Variants in BRSK2 observed in about 807,000 individuals in gnomAD.
BRSK2 encodes BR serine/threonine kinase 2, also known as serine/threonine-protein kinase BRSK2.
BRSK2 carries 19 observed loss-of-function variants against 83.3 expected under a neutral mutation model. That is an observed-to-expected ratio of 0.23 (90% confidence interval 0.16 to 0.33). The LOEUF (loss-of-function observed/expected upper bound fraction) is 0.33. Among genes scored for constraint, BRSK2 ranks in the 10% least tolerant of loss-of-function variants. The pLI, the probability that BRSK2 is intolerant of heterozygous loss-of-function variation, is 1.00. For synonymous variants in BRSK2, 519 were observed against 435.4 expected (o/e 1.19, Z -2.39); for missense variants, 798 against 1,042.3 (o/e 0.77, Z 3.23).
chr11:1,451,968 C>G (rs1845867200), intron 15 of BRSK2, among the ~76,000 whole-genome samples: 1 of 152,050 alleles, frequency 6.6e-6, no homozygotes, highest in South Asian at 2.1e-4. Flanking sequence ...CAGAGAGACC[C>G]CTTCCCAGCG....
At position 1,438,941 on chromosome 11, in the gene BRSK2, CCA is replaced by C. The variant is rs1156806431; in HGVS notation, c.272+551_272+552del. ...ATGCCTGGCTGTGAACCCCATCCCC[CCA>C]GACCCAGCCTCAGGGAGCTCCTGGG... On this transcript the variant is annotated intron_variant, in intron 3 of 19. Transcript: ENST00000528841. The surrounding 1 kb of genome is among the most constrained non-coding windows in gnomAD (Gnocchi z 6.4). Among the ~76,000 whole-genome samples, 3 of 152,200 alleles carry C rather than the reference CCA, an allele frequency of 2.0e-5. No individual in the cohort carries two copies. Among genetic ancestry groups the C allele is most frequent in the Non-Finnish European group, 4.4e-5 (3 of 68,036 alleles).
intron 1 of BRSK2, among the ~76,000 whole-genome samples, chr11:1,429,274 C>T (rs913324625): frequency 1.0e-5 from 1 of 97,324 alleles, no homozygotes; most frequent in Admixed American, 1.1e-4. Context: ...TGTGTGCACT[C>T]GTGTGGGTGT....
chr11:1,454,264 G>T lies in BRSK2; in HGVS notation c.1545-221G>T. The T allele has an allele frequency of 2.0e-6, 1 of 510,662 alleles. No homozygotes were observed. Among genetic ancestry groups the T allele is most frequent in the Middle Eastern group, 5.5e-4 (1 of 1,820 alleles). 31.6% of individuals were successfully genotyped at this position (510,662 alleles called of 1,614,324 possible). On this transcript the variant is annotated intron_variant, in intron 15 of 19. Transcript: ENST00000528841. The surrounding 1 kb of genome is among the most constrained non-coding windows in gnomAD (Gnocchi z 5.2). ...GGCGTTAGGGCTTGGAGAAAGGTTAGGGTTGGGGTTGGGGTTAGAGCCACG... is the reference window on the plus strand; with the variant it reads ...GGCGTTAGGGCTTGGAGAAAGGTTATGGTTGGGGTTGGGGTTAGAGCCACG...
chr11:1,458,033 C>T (rs1475459670), intron 18 of BRSK2, among the ~76,000 whole-genome samples: 1 of 152,188 alleles, frequency 6.6e-6, no homozygotes, highest in Non-Finnish European at 1.5e-5. Context: ...GCCTCTGGCT[C>T]TCTGAGCCTT....
At chr11:1,442,338 C>A in intron 4 of BRSK2, 152 bp from the exon 5 acceptor site, 2 of 596,988 alleles carry the variant, frequency 3.4e-6, no homozygotes, top group South Asian at 1.8e-5. Context: ...TTCTGATTGG[C>A]TGCCTATGAC....
chr11:1,445,266 G>T, intron 9 of BRSK2, 28 bp from the exon 10 acceptor site: 1 of 1,584,270 alleles, frequency 6.3e-7, no homozygotes, highest in South Asian at 1.1e-5. Flanking sequence ...CGGAGCTGAT[G>T]AGCGGGTGGC....
chr11:1,460,917 TCTCTGC>T lies in BRSK2; in HGVS notation c.*203_*208del, dbSNP rs1002027979. The T allele has an allele frequency of 2.3e-4, 368 of 1,611,296 alleles. No homozygotes were observed. The highest frequency in any genetic ancestry group is 1.8e-3 in the Middle Eastern group (11 of 6,056). ...CCGCGCCCGCTCTCTTTTCTCTCTG[TCTCTGC>T]CTCTGCCTGTCTCTGACAGCATCGC... On this transcript the variant is annotated 3_prime_UTR_variant, in exon 20 of 20. Coordinates refer to ENST00000528841, the MANE Select transcript of BRSK2 (RefSeq NM_001256627.2).
chr11:1,442,989 G>C (rs1314148170), intron 5 of BRSK2, 117 bp from the exon 6 acceptor site: 2 of 1,183,626 alleles, frequency 1.7e-6, no homozygotes, highest in Admixed American at 2.8e-5. Context: ...GAATGTGGGG[G>C]CGTCTGGCAC....
intron 1 of BRSK2, among the ~76,000 whole-genome samples, chr11:1,421,890 G>T (rs181656417): frequency 3.4e-4 from 52 of 152,064 alleles, no homozygotes; most frequent in Middle Eastern, 3.4e-3. Flanking sequence ...CAAACCTGCC[G>T]GCCCAGCACC....
At chr11:1,460,464 T>A in intron 19 of BRSK2, 36 bp from the exon 20 acceptor site, 1 of 325,332 alleles carries the variant, frequency 3.1e-6, no homozygotes. Context: ...TTTTTTCCTT[T>A]TTTTTTTTTT....
chr11:1,418,616 G>T (rs1848347927), intron 1 of BRSK2, among the ~76,000 whole-genome samples: 1 of 152,234 alleles, frequency 6.6e-6, no homozygotes, highest in Admixed American at 6.5e-5. Flanking sequence ...TTGAGAGTGG[G>T]TCACACTGTG....
intron 1 of BRSK2, among the ~76,000 whole-genome samples, chr11:1,434,258 G>A (rs1427091015): frequency 2.0e-5 from 3 of 152,316 alleles, no homozygotes; most frequent in Admixed American, 1.3e-4. Context: ...GAAGGATGGC[G>A]GCCACTAAAG....
chr11:1,457,165 G>A (rs942541200), intron 18 of BRSK2: 145 of 955,736 alleles, frequency 1.5e-4, no homozygotes, highest in Non-Finnish European at 2.0e-4. Flanking sequence ...GCCCTGGACA[G>A]GCCAAGCATG....
chr11:1,445,914 G>T lies in BRSK2; in HGVS notation c.1226+7G>T. On this transcript the variant is annotated splice_region_variant and intron_variant, in intron 12 of 19. Transcript: ENST00000528841. ...TGGCCCAGCACGGCCAGAGGTGTGT[G>T]TGCCCCGAGGCTGCTGGGCCTCCCT... 6.2e-7 allele frequency: 1 copy of T among 1,600,964 alleles called. No homozygotes were observed.
chr11:1,445,275 GC>G lies in BRSK2; in HGVS notation c.813-16del. Reference sequence around the variant, plus strand: ...CCCGGCCGGAGCTGATGAGCGGGTGGCCCGTCCTGTGTCCACAGAGGGGGCA... The same window carrying G: ...CCCGGCCGGAGCTGATGAGCGGGTGGCCGTCCTGTGTCCACAGAGGGGGCA... On this transcript the variant is annotated intron_variant, in intron 9 of 19. Transcript: ENST00000528841. 6.3e-7 allele frequency: 1 copy of G among 1,595,972 alleles called. No homozygotes were observed. Among genetic ancestry groups the G allele is most frequent in the African/African-American group, 1.3e-5 (1 of 74,630 alleles).
At chr11:1,398,628 A>T (rs925346629) in intron 1 of BRSK2, among the ~76,000 whole-genome samples, 1 of 152,172 alleles carries the variant, frequency 6.6e-6, no homozygotes, top group African/African-American at 2.4e-5. Context: ...AGGGCCAGCC[A>T]GGCCAGGGGG....
chr11:1,457,128 G>A, intron 18 of BRSK2: 3 of 1,254,954 alleles, frequency 2.4e-6, no homozygotes, highest in Non-Finnish European at 3.2e-6. Context: ...CCTGAGCAGG[G>A]CCCTCCATGC....
At chr11:1,457,396 T>A (rs1846728182) in intron 18 of BRSK2, among the ~76,000 whole-genome samples, 1 of 152,160 alleles carries the variant, frequency 6.6e-6, no homozygotes, top group Non-Finnish European at 1.5e-5. Flanking sequence ...CACCACAGCC[T>A]GATGGGCTCA....
At chr11:1,419,192 C>T (rs1403944920) in intron 1 of BRSK2, among the ~76,000 whole-genome samples, 2 of 149,276 alleles carry the variant, frequency 1.3e-5, no homozygotes, top group African/African-American at 2.5e-5. Flanking sequence ...TCTGCAGGTG[C>T]GTGTCAGGTG....
Sources: allele counts gnomAD v4.1 joint callset (sites outside exome capture counted in the v4.1 genomes callset), GRCh38; gene constraint gnomAD v4.1.1; non-coding constraint Gnocchi (gnomAD v3.1); transcripts MANE v1.5; gene names NCBI Gene and HGNC (gene_info 2026-07-23, HGNC 2026-07-21).